The following UGT1A4 variants were observed in gnomAD, a reference collection of about 807,000 sequenced individuals.
The protein encoded by UGT1A4 is UDP glucuronosyltransferase family 1 member A4, also known as UDP-glucuronosyltransferase 1A4.
In UGT1A4, 32 loss-of-function variants were observed where a neutral mutation model predicts 41.1. The ratio of observed to expected loss-of-function variants is 0.78; its 90% confidence interval spans 0.59 to 1.05. The LOEUF (loss-of-function observed/expected upper bound fraction) is 1.05, where lower values mean the gene tolerates loss of function less well. UGT1A4 is among the 50% of genes least tolerant of loss of function. The pLI, the probability that UGT1A4 is intolerant of heterozygous loss-of-function variation, is 0.00. For missense variants in UGT1A4, 748 were observed against 677.4 expected, an observed-to-expected ratio of 1.10 and a Z score of -1.16; for synonymous variants, 283 against 265.1, an observed-to-expected ratio of 1.07 and a Z score of -0.66.
chr2:233,751,479 G>A (rs184268355), intron 1 of UGT1A4, among the ~76,000 whole-genome samples: 7 of 152,348 alleles, frequency 4.6e-5, no homozygotes, highest in Admixed American at 3.9e-4. Flanking sequence ...GTTTTGAAAT[G>A]TGAAAAGACA....
At position 233,759,547 on chromosome 2, in the gene UGT1A4, A is replaced by G. The variant is rs1173613989; in HGVS notation, c.868-7487A>G. On this transcript the variant is annotated intron_variant, in intron 1 of 4. Transcript: ENST00000373409. ...GAAGACTTCTGTTCACATGCGCTCC[A>G]GTGAATTTCCCTTTCTGGTCATTCT... Among the ~76,000 whole-genome samples the G allele has an allele frequency of 8.5e-5, 13 of 152,244 alleles. No individual in the cohort carries two copies. The East Asian group carries it at 2.5e-3, about 29-fold the overall frequency.
rs944013638 is a variant in UGT1A4, at chr2:233,769,033, G to A, written c.1307+594G>A. 3.3e-5 allele frequency among the ~76,000 whole-genome samples: 5 copies of A among 152,006 alleles called. No individual in the cohort carries two copies. Among genetic ancestry groups the A allele is most frequent in the Admixed American group, 3.3e-4 (5 of 15,274 alleles). ...ATTTACATAAAAAGTTGCCATAATA[G>A]ACATCTGATCCATAAGTTTCCTGCA... On this transcript the variant is annotated intron_variant, in intron 4 of 4. Coordinates refer to ENST00000373409, the MANE Select transcript of UGT1A4 (RefSeq NM_007120.3). This position sits in a 1 kb window ranked among gnomAD's most constrained non-coding sequence, Gnocchi z 4.4.
Position 233,747,172 on chromosome 2 carries a change from C to A in UGT1A4, c.868-19862C>A. 9 of 1,596,738 alleles carry A rather than the reference C, an allele frequency of 5.6e-6. No homozygotes were observed. The South Asian group carries it at 1.0e-4, about 18-fold the overall frequency. On this transcript the variant is annotated intron_variant, in intron 1 of 4. Transcript: ENST00000373409. Reference sequence around the variant, plus strand: ...ATGAAGAAAACAAATGTAGGAGGCACAGCGTGGGGTGGACAGTCAGCTGTC... The same window carrying A: ...ATGAAGAAAACAAATGTAGGAGGCAAAGCGTGGGGTGGACAGTCAGCTGTC...
intron 1 of UGT1A4, chr2:233,729,134 C>T (rs143371539): frequency 2.5e-6 from 4 of 1,613,290 alleles, no homozygotes; most frequent in Middle Eastern, 1.8e-4. Flanking sequence ...GAGATGGCCA[C>T]AGGACTCCAG....
intron 1 of UGT1A4, among the ~76,000 whole-genome samples, chr2:233,725,885 A>G (rs2077481467): frequency 6.6e-6 from 1 of 152,174 alleles, no homozygotes; most frequent in Admixed American, 6.5e-5. Flanking sequence ...AATGATTTGT[A>G]GGCAGGTGGG....
chr2:233,719,514 G>T lies in UGT1A4; in HGVS notation c.694G>T (p.Ala232Ser). The change falls in exon 1 of 5, where the codon GCA (alanine) becomes TCA (serine). Residue 232 changes from alanine to serine, a missense_variant. Physicochemically the swap from Ala to Ser is moderately conservative, Grantham distance 99. Transcript: ENST00000373409. Reference sequence around the variant, plus strand: ...TTGCCATACTTTTTCTGCCCCTTATGCAAGTCTTGCCTCTGAGCTTTTTCA... The same window carrying T: ...TTGCCATACTTTTTCTGCCCCTTATTCAAGTCTTGCCTCTGAGCTTTTTCA... ...YICHTFSAPY[A>S]SLASELFQRE... 6.2e-7 allele frequency: 1 copy of T among 1,613,922 alleles called. No homozygotes were observed. Among genetic ancestry groups the T allele is most frequent in the Non-Finnish European group, 8.5e-7 (1 of 1,179,864 alleles).
chr2:233,747,775 C>G (rs1325525681), intron 1 of UGT1A4: 1 of 1,613,320 alleles, frequency 6.2e-7, no homozygotes, highest in Non-Finnish European at 8.5e-7. Context: ...ACACAGTGTC[C>G]AAATCCTTCC....
chr2:233,758,920 T>C (rs1318517296), intron 1 of UGT1A4, among the ~76,000 whole-genome samples: 3 of 152,264 alleles, frequency 2.0e-5, no homozygotes, highest in Non-Finnish European at 4.4e-5. Flanking sequence ...TGCTCATCTT[T>C]CCCTTTTGAC....
chr2:233,772,237 A>G (rs1390917406), intron 4 of UGT1A4, 25 bp from the exon 5 acceptor site: 5 of 1,614,058 alleles, frequency 3.1e-6, no homozygotes, highest in Middle Eastern at 1.7e-4. Context: ...TGTTCCAGGC[A>G]TAACGAAACT....
At chr2:233,724,341 C>T (rs1350319143) in intron 1 of UGT1A4, among the ~76,000 whole-genome samples, 3 of 121,020 alleles carry the variant, frequency 2.5e-5, no homozygotes, top group South Asian at 3.0e-4. Flanking sequence ...GGGGGGCTGA[C>T]CCCCCCCACC....
intron 1 of UGT1A4, among the ~76,000 whole-genome samples, chr2:233,737,451 G>T (rs1349834753): frequency 6.6e-6 from 1 of 152,156 alleles, no homozygotes. Context: ...GTTTTTCCAG[G>T]TACAGTCTGT....
intron 1 of UGT1A4, chr2:233,760,313 G>T (rs761736540): frequency 6.2e-7 from 1 of 1,613,818 alleles, no homozygotes. Context: ...CAGGGCGGAC[G>T]CCCACTTGTC....
intron 1 of UGT1A4, among the ~76,000 whole-genome samples, chr2:233,734,944 A>G (rs2125789898): frequency 6.6e-6 from 1 of 152,282 alleles, no homozygotes; most frequent in Middle Eastern, 3.4e-3. Context: ...TCATATGGTC[A>G]GTTTTAGAAT....
chr2:233,734,229 A>T (rs907561316), intron 1 of UGT1A4, among the ~76,000 whole-genome samples: 6 of 152,114 alleles, frequency 3.9e-5, no homozygotes, highest in African/African-American at 1.2e-4. Context: ...TCAGAGATTC[A>T]ACTTCTTCCT....
intron 1 of UGT1A4, among the ~76,000 whole-genome samples, chr2:233,724,946 C>T (rs1421347433): frequency 3.5e-5 from 5 of 144,538 alleles, no homozygotes; most frequent in African/African-American, 5.3e-5. Flanking sequence ...TCTGCAATCC[C>T]GGCACCTCGG....
rs751560477 is a variant in UGT1A4 at position 233,754,882 on chromosome 2, G to T, written c.868-12152G>T. 3 of 1,352,084 alleles carry T rather than the reference G, an allele frequency of 2.2e-6. No homozygotes were observed. The African/African-American group carries it at 4.4e-5, about 20-fold the overall frequency. The allele number at this position is 1,352,084 out of a possible 1,614,324, so 83.8% of individuals were successfully genotyped here. On this transcript the variant is annotated intron_variant, in intron 1 of 4. Transcript: ENST00000373409. ...GCAGACCCTCTGCTTCTGCTTCCCA[G>T]GGAGTTCCTCTGACCCCCCAAAATA...
intron 1 of UGT1A4, among the ~76,000 whole-genome samples, chr2:233,739,818 A>T (rs1185619139): frequency 6.6e-6 from 1 of 151,978 alleles, no homozygotes; most frequent in Non-Finnish European, 1.5e-5. Context: ...ATTGGTTTTT[A>T]AATGTGAAAA....
At chr2:233,764,870 C>A (rs17868342) in intron 1 of UGT1A4, among the ~76,000 whole-genome samples, 19,813 of 151,898 alleles carry the variant, frequency 0.13, 1,414 homozygotes, top group East Asian at 0.2. Context: ...TAGATGAGCC[C>A]AAGGGAAAAG....
chr2:233,746,646 C>A (rs1278819744), intron 1 of UGT1A4, among the ~76,000 whole-genome samples: 2 of 151,736 alleles, frequency 1.3e-5, no homozygotes, highest in East Asian at 3.9e-4. Flanking sequence ...TCTAACTTGG[C>A]TTTCTGTCCC....
Sources: gnomAD v4.1 joint callset for allele counts (sites outside exome capture counted in the v4.1 genomes callset) on GRCh38, gnomAD v4.1.1 for gene constraint, Gnocchi (gnomAD v3.1) non-coding constraint, MANE v1.5 for transcripts, NCBI Gene and HGNC (gene_info 2026-07-23, HGNC 2026-07-21) for gene names.